The following SBNO1 variants were observed in gnomAD, a reference collection of about 807,000 sequenced individuals.
SBNO1 encodes protein strawberry notch homolog 1.
In SBNO1, 23 loss-of-function variants were observed where a neutral mutation model predicts 173.6. The ratio of observed to expected loss-of-function variants is 0.13; its 90% CI spans 0.10 to 0.19. The LOEUF (loss-of-function observed/expected upper bound fraction) is 0.19. Ranked by LOEUF, SBNO1 falls within the 10% of genes least tolerant of loss-of-function variation. The pLI, the probability that SBNO1 is intolerant of heterozygous loss-of-function variation, is 1.00. For missense variants in SBNO1, 1,238 were observed against 1,671.2 expected (o/e 0.74, Z 4.52); for synonymous variants, 632 against 571.5 (o/e 1.11, Z -1.51).
intron 25 of SBNO1, among the ~76,000 whole-genome samples, chr12:123,310,209 C>G (rs1330562787): frequency 2.0e-5 from 3 of 152,124 alleles, no homozygotes; most frequent in African/African-American, 7.2e-5. Flanking sequence ...TGTCTGAGCT[C>G]CACCCGACTT....
intron 4 of SBNO1, among the ~76,000 whole-genome samples, chr12:123,344,463 T>C (rs746170397): frequency 3.9e-5 from 6 of 152,236 alleles, no homozygotes. Context: ...AAAATTTTAA[T>C]GACATCTGTC....
At chr12:123,333,237 A>G (rs1871425614) in intron 7 of SBNO1, among the ~76,000 whole-genome samples, 1 of 152,188 alleles carries the variant, frequency 6.6e-6, no homozygotes, top group South Asian at 2.1e-4. Context: ...GTCATTACTT[A>G]TTTTACAGAT....
chr12:123,364,286 G>C, intron 1 of SBNO1: 1 of 985,604 alleles, frequency 1.0e-6, no homozygotes, highest in Non-Finnish European at 1.2e-6. Context: ...GGAAGGATCC[G>C]GTCCTTACTT....
intron 7 of SBNO1, among the ~76,000 whole-genome samples, chr12:123,333,550 G>A (rs1269069210): frequency 6.6e-6 from 1 of 151,632 alleles, no homozygotes; most frequent in Non-Finnish European, 1.5e-5. Flanking sequence ...CACCCAGGGT[G>A]GAGTGACAAG....
chr12:123,364,380 C>T, intron 1 of SBNO1: 7 of 985,278 alleles, frequency 7.1e-6, no homozygotes, highest in Non-Finnish European at 8.4e-6. Context: ...CGTGCACAGA[C>T]CCTGCCCCGC....
intron 3 of SBNO1, among the ~76,000 whole-genome samples, chr12:123,346,349 TTAA>T (rs1225752252): frequency 6.6e-6 from 1 of 152,226 alleles, no homozygotes; most frequent in African/African-American, 2.4e-5. Context: ...CACTACTCCT[TTAA>T]TAATGAGTCT....
chr12:123,344,503 A>C (rs1200763774), intron 4 of SBNO1, among the ~76,000 whole-genome samples: 1 of 152,184 alleles, frequency 6.6e-6, no homozygotes, highest in African/African-American at 2.4e-5. Flanking sequence ...ATCTTCCTAT[A>C]AACACTTATC....
chr12:123,315,545 C>T lies in SBNO1; in HGVS notation c.3048+3G>A. 1 of 1,606,070 alleles carries T rather than the reference C, an allele frequency of 6.2e-7. No homozygotes were observed. The highest frequency in any genetic ancestry group is 8.5e-7 in the Non-Finnish European group (1 of 1,172,766). On this transcript the variant is annotated splice_donor_region_variant and intron_variant, in intron 22 of 31. Coordinates refer to ENST00000602398, the MANE Select transcript of SBNO1 (RefSeq NM_001167856.3). ...CACACAGCCACACAACTCCAAAACT[C>T]ACCAAACTCTCAAGTCTTTTAGCAA...
chr12:123,343,310 T>A (rs1216373678), intron 4 of SBNO1, among the ~76,000 whole-genome samples: 4 of 152,142 alleles, frequency 2.6e-5, no homozygotes, highest in Non-Finnish European at 5.9e-5. Context: ...GGGGCATGGT[T>A]TGTTTATTTT....
chr12:123,312,705 C>T (rs865815778), intron 24 of SBNO1, among the ~76,000 whole-genome samples: 9 of 148,120 alleles, frequency 6.1e-5, no homozygotes, highest in Non-Finnish European at 1.0e-4. Context: ...CACGAGACCC[C>T]GTCTCGAAAA....
chr12:123,315,782 A>T (rs767029790), intron 21 of SBNO1, 122 bp from the exon 22 acceptor site: 32 of 616,956 alleles, frequency 5.2e-5, no homozygotes, highest in Non-Finnish European at 8.9e-5. Context: ...AATAAAAATT[A>T]CAGATAATGT....
At chr12:123,318,848 CAT>C (rs1434579938) in intron 20 of SBNO1, among the ~76,000 whole-genome samples, 1 of 150,454 alleles carries the variant, frequency 6.6e-6, no homozygotes, top group Non-Finnish European at 1.5e-5. Flanking sequence ...TATAACATGA[CAT>C]AGCAATAAAA....
intron 5 of SBNO1, among the ~76,000 whole-genome samples, chr12:123,337,096 C>A (rs778333303): frequency 2.6e-5 from 4 of 152,200 alleles, no homozygotes; most frequent in Non-Finnish European, 4.4e-5. Flanking sequence ...TTCTGTGTCT[C>A]CACAGATGCA....
At chr12:123,308,688 T>A (rs866108633) in intron 28 of SBNO1, among the ~76,000 whole-genome samples, 49 of 150,276 alleles carry the variant, frequency 3.3e-4, no homozygotes, top group African/African-American at 1.2e-3. Context: ...AAAAAGTTAA[T>A]TCAGCCAGGT....
chr12:123,320,308 A>G (rs2138964154), intron 19 of SBNO1, 124 bp downstream of exon 19: 1 of 997,744 alleles, frequency 1.0e-6, no homozygotes, highest in Non-Finnish European at 1.5e-6. Flanking sequence ...GATGGCAACT[A>G]AAGTAGAACA....
At chr12:123,316,454 C>A (rs1869278607) in intron 21 of SBNO1, among the ~76,000 whole-genome samples, 1 of 152,118 alleles carries the variant, frequency 6.6e-6, no homozygotes. Context: ...GAACTCCCGA[C>A]CTCAGGTGAT....
Position 123,345,320 on chromosome 12 carries a change from A to G in SBNO1, c.488T>C (p.Leu163Pro). Reference protein sequence around the residue: ...QLKDLLKNNSLNELMKLKPPA... With the variant: ...QLKDLLKNNSPNELMKLKPPA... Reference sequence around the variant, plus strand: ...TGGCTTTAGTTTCATCAGTTCATTAAGACTATTATTTTTCAGTAGATCTTT... The same window carrying G: ...TGGCTTTAGTTTCATCAGTTCATTAGGACTATTATTTTTCAGTAGATCTTT... Residue 163 changes from leucine (L) to proline (P), a missense_variant, in exon 4 of 32, where the codon CTT (leucine) becomes CCT (proline). Transcript: ENST00000602398. The G allele has an allele frequency of 6.2e-7, 1 of 1,614,180 alleles. No individual in the cohort carries two copies. The highest frequency in any genetic ancestry group is 2.2e-5 in the East Asian group (1 of 44,892).
At chr12:123,310,999 A>G (rs1426120010) in intron 25 of SBNO1, 56 bp downstream of exon 25, 2 of 1,241,672 alleles carry the variant, frequency 1.6e-6, no homozygotes, top group Non-Finnish European at 2.4e-6. Context: ...ATATATCATA[A>G]TGGACTTTAA....
At position 123,319,806 on chromosome 12, in the gene SBNO1, T is replaced by C. The variant is rs780652630; in HGVS notation, c.2799+94A>G. 1.1e-5 allele frequency: 11 copies of C among 1,037,634 alleles called. No homozygotes were observed. The Admixed American group carries it at 2.3e-4, about 22-fold the overall frequency. The allele number at this position is 1,037,634 out of a possible 1,614,324, so 64.3% of individuals were successfully genotyped here. A position where few individuals can be genotyped will look rare whatever the true frequency, so the allele number is the denominator to read the frequency against. ...ACAGAATGACAATACTCAATGGACA[T>C]GACTTATATTAAAAGGAAAAAGACT... On this transcript the variant is annotated intron_variant, in intron 20 of 31. Transcript: ENST00000602398.
Sources: allele counts gnomAD v4.1 joint callset (sites outside exome capture counted in the v4.1 genomes callset), GRCh38; gene constraint gnomAD v4.1.1; transcripts MANE v1.5; gene names NCBI Gene and HGNC (gene_info 2026-07-23, HGNC 2026-07-21).